The following SEPSECS variants were observed in gnomAD, a reference collection of about 807,000 sequenced individuals.
The protein encoded by SEPSECS is O-phosphoseryl-tRNA(Sec) selenium transferase.
Under a neutral mutation model 52.1 loss-of-function variants are expected in SEPSECS, and 42 were observed. The ratio of observed to expected loss-of-function variants is 0.81; its 90% CI spans 0.63 to 1.04. The LOEUF (loss-of-function observed/expected upper bound fraction) is 1.04. Among genes scored for constraint, SEPSECS ranks in the 50% least tolerant of loss-of-function variants. The probability of loss-of-function intolerance (pLI) is 0.00; values close to 1 mark genes in which losing one functional copy is unlikely to be tolerated. For synonymous variants in SEPSECS, 216 were observed against 211.4 expected (o/e 1.02, Z -0.19); for missense variants, 590 against 610.6 (o/e 0.97, Z 0.36).
chr4:25,158,532 AAC>A (rs949880679), intron 2 of SEPSECS, among the ~76,000 whole-genome samples: 1 of 152,200 alleles, frequency 6.6e-6, no homozygotes, highest in Non-Finnish European at 1.5e-5. Flanking sequence ...ATTCAGTTTA[AAC>A]ACAGTTTAAA....
chr4:25,157,898 A>G (rs1206469530), intron 2 of SEPSECS, among the ~76,000 whole-genome samples: 1 of 152,156 alleles, frequency 6.6e-6, no homozygotes, highest in Non-Finnish European at 1.5e-5. Context: ...CTAAGTTCCA[A>G]TGATGGTTCA....
chr4:25,144,295 G>A (rs893923959), intron 8 of SEPSECS, among the ~76,000 whole-genome samples: 15 of 142,996 alleles, frequency 1.0e-4, no homozygotes, highest in African/African-American at 3.9e-4. Flanking sequence ...AGCCAAGATC[G>A]TGCCATTGCA....
Position 25,121,860 on chromosome 4 carries a change from C to T in SEPSECS, c.*2071G>A, listed in dbSNP as rs367982750. ...AGCTGAAGCCCAAGAACTGCTGATACACTGCAGATGAGAAAACATTTGCTA... is the reference window on the plus strand; with the variant it reads ...AGCTGAAGCCCAAGAACTGCTGATATACTGCAGATGAGAAAACATTTGCTA... On this transcript the variant is annotated 3_prime_UTR_variant, in exon 11 of 11. Coordinates refer to ENST00000382103, the MANE Select transcript of SEPSECS (RefSeq NM_016955.4). The T allele has an allele frequency of 9.9e-5, 15 of 152,144 alleles. No individual in the cohort carries two copies. Among genetic ancestry groups the T allele is most frequent in the Non-Finnish European group, 1.8e-4 (12 of 68,004 alleles). The allele number at this position is 152,144 out of a possible 1,614,324, so 9.4% of individuals were successfully genotyped here. A position where few individuals can be genotyped will look rare whatever the true frequency, so the allele number is the denominator to read the frequency against.
In SEPSECS at chr4:25,121,306, A is replaced by T. The variant is rs147447027; in HGVS notation, c.*2625T>A. On this transcript the variant is annotated 3_prime_UTR_variant, in exon 11 of 11. Coordinates refer to ENST00000382103, the MANE Select transcript of SEPSECS (RefSeq NM_016955.4). ...CACATTGTGTAGTGACCAAAAGAAT[A>T]TTCTATGTTCCACCATTTTCTTTTC... 2 of 152,130 alleles carry T rather than the reference A, an allele frequency of 1.3e-5. No individual in the cohort carries two copies. The highest frequency in any genetic ancestry group is 3.9e-4 in the East Asian group (2 of 5,194). The allele number at this position is 152,130 out of a possible 1,614,324, so 9.4% of individuals were successfully genotyped here. A position where few individuals can be genotyped will look rare whatever the true frequency, so the allele number is the denominator to read the frequency against.
intron 8 of SEPSECS, among the ~76,000 whole-genome samples, chr4:25,134,100 G>A (rs1037374999): frequency 7.1e-6 from 1 of 141,332 alleles, no homozygotes; most frequent in Non-Finnish European, 1.5e-5. Flanking sequence ...ACTCCAGCCT[G>A]GGTGACAGAA....
At chr4:25,124,420 A>G (rs1364150231) in intron 10 of SEPSECS, among the ~76,000 whole-genome samples, 195 bp from the exon 11 acceptor site, 1 of 152,144 alleles carries the variant, frequency 6.6e-6, no homozygotes, top group Non-Finnish European at 1.5e-5. Flanking sequence ...TTTTTACATA[A>G]AAAAGTCCTG....
chr4:25,159,283 T>C (rs1185075754), intron 1 of SEPSECS, among the ~76,000 whole-genome samples, 176 bp from the exon 2 acceptor site: 2 of 152,190 alleles, frequency 1.3e-5, no homozygotes, highest in Non-Finnish European at 2.9e-5. Flanking sequence ...GTTTGTACAT[T>C]TGATTACAAT....
At chr4:25,148,092 T>C (rs7662318) in intron 6 of SEPSECS, among the ~76,000 whole-genome samples, 94,289 of 151,902 alleles carry the variant, frequency 0.62, 29,778 homozygotes, top group Non-Finnish European at 0.67. Flanking sequence ...GTGGCTCACA[T>C]CTGTAATCCC....
intron 8 of SEPSECS, among the ~76,000 whole-genome samples, chr4:25,135,788 A>G (rs1372008748): frequency 6.6e-6 from 1 of 152,196 alleles, no homozygotes; most frequent in African/African-American, 2.4e-5. Context: ...TATCGACGCA[A>G]AAATCCTGAA....
chr4:25,160,522 C>T (rs574800529), upstream of SEPSECS: 1 of 641,446 alleles, frequency 1.6e-6, no homozygotes, highest in Non-Finnish European at 2.7e-6. Context: ...AAAAACACTT[C>T]TCGTTCGTGC....
Position 25,123,597 on chromosome 4 carries a change from A to G in SEPSECS, c.*334T>C. The G allele has an allele frequency of 3.3e-6, 1 of 304,936 alleles. No homozygotes were observed. The highest frequency in any genetic ancestry group is 6.3e-6 in the Non-Finnish European group (1 of 159,154). 18.9% of individuals were successfully genotyped at this position (304,936 alleles called of 1,614,324 possible). On this transcript the variant is annotated 3_prime_UTR_variant, in exon 11 of 11. Coordinates refer to ENST00000382103, the MANE Select transcript of SEPSECS (RefSeq NM_016955.4). ...GAAACGGTAAAGAATGGTTAGGAGGAAGCACTCTACATTTCAAAGAGAATT... is the reference window on the plus strand; with the variant it reads ...GAAACGGTAAAGAATGGTTAGGAGGGAGCACTCTACATTTCAAAGAGAATT...
At chr4:25,151,175 T>C (rs953500943) in intron 6 of SEPSECS, among the ~76,000 whole-genome samples, 2 of 152,330 alleles carry the variant, frequency 1.3e-5, no homozygotes, top group African/African-American at 4.8e-5. Context: ...AACCGGTTTA[T>C]TGATTGTCAA....
chr4:25,148,075 A>C (rs1712073312), intron 6 of SEPSECS, among the ~76,000 whole-genome samples: 1 of 152,110 alleles, frequency 6.6e-6, no homozygotes. Flanking sequence ...GTAGAGGGCC[A>C]GGCACGGTGG....
intron 1 of SEPSECS, 83 bp downstream of exon 1, chr4:25,160,173 G>C (rs1712978865): frequency 6.5e-7 from 1 of 1,534,936 alleles, no homozygotes; most frequent in Admixed American, 2.0e-5. Flanking sequence ...AGAGCTGCCG[G>C]TGAGGCAGCA....
chr4:25,146,332 C>T (rs142725114), intron 6 of SEPSECS, among the ~76,000 whole-genome samples: 1 of 152,332 alleles, frequency 6.6e-6, no homozygotes, highest in Non-Finnish European at 1.5e-5. Context: ...GGAAGAGGAG[C>T]AGCTGCTCTG....
chr4:25,132,560 C>A (rs1018820511), intron 8 of SEPSECS, among the ~76,000 whole-genome samples: 15 of 152,216 alleles, frequency 9.9e-5, no homozygotes, highest in Admixed American at 2.6e-4. Context: ...CATTTTTCAA[C>A]AGAGAAACCT....
In SEPSECS at chr4:25,160,279, G is replaced by A; in HGVS notation, c.91C>T (p.Leu31Phe). ...GCEARRSHEH[L>F]IRLLLEKGKC... ...ACCTTCTCCAGAAGCAGCCGTATGA[G>A]GTGCTCATGCGAGCGGCGGGCCTCA... Residue 31 changes from leucine to phenylalanine, a missense_variant, in exon 1 of 11, where the codon CTC becomes TTC. Physicochemically the swap from Leu to Phe is conservative, Grantham distance 22. Coordinates refer to ENST00000382103, the MANE Select transcript of SEPSECS (RefSeq NM_016955.4). 3 of 1,556,544 alleles carry A rather than the reference G, an allele frequency of 1.9e-6. No homozygotes were observed. Among genetic ancestry groups the A allele is most frequent in the Non-Finnish European group, 1.7e-6 (2 of 1,149,422 alleles).
chr4:25,150,813 C>A (rs1164685151), intron 6 of SEPSECS, among the ~76,000 whole-genome samples: 1 of 152,032 alleles, frequency 6.6e-6, no homozygotes, highest in Admixed American at 6.6e-5. Context: ...TGAGACCAGT[C>A]TGGGCCGCAT....
In SEPSECS at chr4:25,127,254, A is replaced by T. The variant is rs900854735; in HGVS notation, c.1120+10T>A. On this transcript the variant is annotated intron_variant, in intron 9 of 10. Coordinates refer to ENST00000382103, the MANE Select transcript of SEPSECS (RefSeq NM_016955.4). ...AAGTATTTGTTTTTCTTTAGGAAAAAAGAAATTACCTAAAGATATGGGATT... is the reference window on the plus strand; with the variant it reads ...AAGTATTTGTTTTTCTTTAGGAAAATAGAAATTACCTAAAGATATGGGATT... The T allele has an allele frequency of 6.3e-7, 1 of 1,586,158 alleles. No individual in the cohort carries two copies. The highest frequency in any genetic ancestry group is 8.7e-7 in the Non-Finnish European group (1 of 1,155,374).
Sources: gnomAD v4.1 joint callset for allele counts (sites outside exome capture counted in the v4.1 genomes callset) on GRCh38, gnomAD v4.1.1 for gene constraint, MANE v1.5 for transcripts, NCBI Gene and HGNC (gene_info 2026-07-23, HGNC 2026-07-21) for gene names.